FAR1: variants seen among roughly 807,000 people sequenced by gnomAD.
The protein encoded by FAR1 is fatty acyl-CoA reductase 1.
In FAR1, 22 loss-of-function variants were observed where a neutral mutation model predicts 61.1. That is an observed-to-expected ratio of 0.36 (90% confidence interval 0.26 to 0.51). The LOEUF is 0.51. FAR1 is among the 20% of genes least tolerant of loss of function. FAR1 has a pLI of 0.95. For synonymous variants in FAR1, 206 were observed against 209.7 expected (o/e 0.98, Z 0.15); for missense variants, 359 against 626.9 (o/e 0.57, Z 4.56).
At position 13,714,470 on chromosome 11, in the gene FAR1, G is replaced by T; in HGVS notation, c.956-39G>T. 3.3e-6 allele frequency: 5 copies of T among 1,526,516 alleles called. No homozygotes were observed. In the South Asian group the frequency reaches 3.8e-5, roughly 11 times the overall value. The allele number at this position is 1,526,516 out of a possible 1,614,324, so 94.6% of individuals were successfully genotyped here. ...TTTTTTTTTCAAAACTTCATTACAT[G>T]GTTATTATCAAAGCTGTTACACAAC... On this transcript the variant is annotated intron_variant, in intron 8 of 11. Coordinates refer to ENST00000354817, the MANE Select transcript of FAR1 (RefSeq NM_032228.6).
intron 1 of FAR1, among the ~76,000 whole-genome samples, chr11:13,678,612 A>G (rs1416782736): frequency 3.3e-5 from 5 of 152,168 alleles, no homozygotes; most frequent in African/African-American, 1.2e-4. Context: ...TTCTTGGAAA[A>G]TCATTACTTT....
At chr11:13,675,617 C>T (rs1263057590) in intron 1 of FAR1, among the ~76,000 whole-genome samples, 1 of 152,134 alleles carries the variant, frequency 6.6e-6, no homozygotes, top group Non-Finnish European at 1.5e-5. Context: ...AATTTTTTGG[C>T]ACGTTCTGTT....
chr11:13,682,163 T>C (rs1848134321), intron 1 of FAR1, among the ~76,000 whole-genome samples: 1 of 152,252 alleles, frequency 6.6e-6, no homozygotes, highest in African/African-American at 2.4e-5. Context: ...CTGGCATTAA[T>C]GTGTTGTTTT....
chr11:13,683,000 T>G (rs955260676), intron 1 of FAR1, among the ~76,000 whole-genome samples: 3 of 152,194 alleles, frequency 2.0e-5, no homozygotes, highest in Non-Finnish European at 4.4e-5. Context: ...AAAAGATTAT[T>G]TAACGTAACT....
chr11:13,714,453 TC>T (rs1848533554), intron 8 of FAR1, 55 bp from the exon 9 acceptor site: 1 of 1,453,422 alleles, frequency 6.9e-7, no homozygotes. Context: ...TTTTTTTTTT[TC>T]AAAACTTCAT....
At position 13,708,056 on chromosome 11, in the gene FAR1, C is replaced by A. The variant is rs1460696090; in HGVS notation, c.522C>A (p.Pro174=). The A allele has an allele frequency of 5.0e-6, 8 of 1,592,608 alleles. No individual in the cohort carries two copies. Among genetic ancestry groups the A allele is most frequent in the Non-Finnish European group, 6.8e-6 (8 of 1,170,864 alleles). ...TAGTCTATCCACCACCTGTGGATCC[C>A]AAGAAGCTGATTGATTCTTTAGAGT... The part of the protein sequence containing the change: ...DEVVYPPPVD[P]KKLIDSLEWM... The change falls in exon 4 of 12, where the codon CCC becomes CCA. Residue 174 remains proline, a synonymous_variant. Transcript: ENST00000354817.
At chr11:13,727,794 A>C (rs2134203664) in intron 11 of FAR1, 111 bp downstream of exon 11, 1 of 992,434 alleles carries the variant, frequency 1.0e-6, no homozygotes, top group East Asian at 2.8e-5. Flanking sequence ...GATGCAGATA[A>C]TTTTTAATGG....
rs1024865465 is a variant in FAR1, at chr11:13,729,353, C to T, written c.*579C>T. 5.9e-5 allele frequency: 9 copies of T among 151,720 alleles called. No homozygotes were observed. The highest frequency in any genetic ancestry group is 3.9e-4 in the Admixed American group (6 of 15,198). The allele number at this position is 151,720 out of a possible 1,614,324, so 9.4% of individuals were successfully genotyped here. On this transcript the variant is annotated 3_prime_UTR_variant, in exon 12 of 12. Coordinates refer to ENST00000354817, the MANE Select transcript of FAR1 (RefSeq NM_032228.6). ...TCTCATTTTTCTTTTTCTGATTAAA[C>T]GTCTGATGCATATCATTTTTCTATA...
chr11:13,680,331 A>G (rs973096212), intron 1 of FAR1, among the ~76,000 whole-genome samples: 1 of 152,122 alleles, frequency 6.6e-6, no homozygotes, highest in African/African-American at 2.4e-5. Context: ...CGCCTCATGC[A>G]CTTCTTCTGC....
At chr11:13,708,662 G>A (rs557643700) in intron 4 of FAR1, among the ~76,000 whole-genome samples, 1 of 151,944 alleles carries the variant, frequency 6.6e-6, no homozygotes, top group South Asian at 2.1e-4. Flanking sequence ...TCTTTTTCAG[G>A]GAATCAATCT....
In FAR1 at chr11:13,710,383, A is replaced by G. The variant is rs183146198; in HGVS notation, c.546-310A>G. Among the ~76,000 whole-genome samples, 49 of 152,188 alleles carry G rather than the reference A, an allele frequency of 3.2e-4. No homozygotes were observed. The East Asian group carries it at 9.1e-3, about 28-fold the overall frequency. ...CCCTGATCAAATACATGTAAAATATATGAATGTTTAAGTTGTATCAAAAAA... is the reference window on the plus strand; with the variant it reads ...CCCTGATCAAATACATGTAAAATATGTGAATGTTTAAGTTGTATCAAAAAA... On this transcript the variant is annotated intron_variant, in intron 4 of 11. Transcript: ENST00000354817.
intron 10 of FAR1, chr11:13,723,513 G>A (rs945698972): frequency 6.6e-5 from 22 of 332,184 alleles, no homozygotes; most frequent in East Asian, 1.6e-4. Flanking sequence ...TATGTTTGCC[G>A]CTTGGCAGTA....
At chr11:13,700,021 CA>C (rs1215304851) in intron 2 of FAR1, among the ~76,000 whole-genome samples, 1 of 152,140 alleles carries the variant, frequency 6.6e-6, no homozygotes, top group Admixed American at 6.6e-5. Context: ...ACAATCTAAT[CA>C]GCCAAGGCAT....
Position 13,712,980 on chromosome 11 carries a change from T to G in FAR1, c.902T>G (p.Met301Arg), listed in dbSNP as rs1378837719. The G allele has an allele frequency of 6.2e-7, 1 of 1,612,704 alleles. No individual in the cohort carries two copies. The highest frequency in any genetic ancestry group is 1.3e-5 in the African/African-American group (1 of 74,878). Residue 301 changes from methionine to arginine, a missense_variant, in exon 8 of 12, where the codon ATG (methionine) becomes AGG (arginine). Coordinates refer to ENST00000354817, the MANE Select transcript of FAR1 (RefSeq NM_032228.6). ...TGTCTTTGCAGACCAAGAAACATCA[T>G]GGTGTATAATTGTACAACAGGCAGC... ...YSGVNRPRNI[M>R]VYNCTTGSTN...
intron 4 of FAR1, among the ~76,000 whole-genome samples, chr11:13,708,447 G>GCGCACACACACACACACACACA (rs139902063): frequency 2.6e-4 from 35 of 136,728 alleles, no homozygotes; most frequent in African/African-American, 7.2e-4. Context: ...GCGCGCGCGC[G>GCGCACACACACACACACACACA]CACACACACA....
Position 13,710,788 on chromosome 11 carries a change from T to A in FAR1, c.641T>A (p.Val214Asp). Residue 214 changes from valine to aspartate, a missense_variant, in exon 5 of 12, where the codon GTT becomes GAT. Transcript: ENST00000354817. ...YIYTKALAEY[V>D]VQQEGAKLNV... Reference sequence around the variant, plus strand: ...TACACAAAAGCATTGGCAGAATATGTTGTACAACAAGAAGGAGCAAAACTA... The same window carrying A: ...TACACAAAAGCATTGGCAGAATATGATGTACAACAAGAAGGAGCAAAACTA... 6.2e-7 allele frequency: 1 copy of A among 1,613,198 alleles called. No homozygotes were observed. The highest frequency in any genetic ancestry group is 8.5e-7 in the Non-Finnish European group (1 of 1,179,546).
intron 1 of FAR1, among the ~76,000 whole-genome samples, chr11:13,683,475 A>G (rs1160330433): frequency 6.6e-6 from 1 of 151,838 alleles, no homozygotes; most frequent in African/African-American, 2.4e-5. Context: ...AAAAACATAG[A>G]TGAAATACTA....
At chr11:13,702,974 T>TTA (rs1334817005) in intron 3 of FAR1, among the ~76,000 whole-genome samples, 4 of 152,222 alleles carry the variant, frequency 2.6e-5, no homozygotes, top group Non-Finnish European at 5.9e-5. Context: ...ATCTTATGTA[T>TTA]TACATTGTTT....
Position 13,710,665 on chromosome 11 carries a change from A to C in FAR1, c.546-28A>C, listed in dbSNP as rs936802060. On this transcript the variant is annotated intron_variant, in intron 4 of 11. Transcript: ENST00000354817. ...TTATTTTATAGTAAAATATCTGGAA[A>C]TATATTTGTATGCAATTTCTTTACC... 7 of 1,538,376 alleles carry C rather than the reference A, an allele frequency of 4.6e-6. No individual in the cohort carries two copies. The African/African-American group carries it at 9.9e-5, about 22-fold the overall frequency.
Sources: gnomAD v4.1 joint callset for allele counts (sites outside exome capture counted in the v4.1 genomes callset) on GRCh38, gnomAD v4.1.1 for gene constraint, MANE v1.5 for transcripts, NCBI Gene and HGNC (gene_info 2026-07-23, HGNC 2026-07-21) for gene names.